HELQ: variants seen among roughly 807,000 people sequenced by gnomAD.
HELQ encodes the protein helicase, POLQ like.
A neutral mutation model predicts 111.6 loss-of-function variants in HELQ; 77 were observed. That is an observed-to-expected ratio of 0.69 (90% CI 0.57 to 0.83). The LOEUF is 0.83. Ranked by LOEUF, HELQ falls within the 40% of genes least tolerant of loss-of-function variation. The probability of loss-of-function intolerance (pLI) is 0.00; values close to 1 mark genes in which losing one functional copy is unlikely to be tolerated. For synonymous variants in HELQ, 438 were observed against 454.7 expected, an observed-to-expected ratio of 0.96 and a Z score of 0.47; for missense variants, 1,200 against 1,288.5, an observed-to-expected ratio of 0.93 and a Z score of 1.05.
At chr4:83,454,590 A>ATT (rs1165924514) in intron 1 of HELQ, among the ~76,000 whole-genome samples, 11 of 144,668 alleles carry the variant, frequency 7.6e-5, no homozygotes, top group Admixed American at 1.4e-4. Context: ...AGAAAAAAAA[A>ATT]TTTTTTTTTT....
At position 83,407,378 on chromosome 4, in the gene HELQ, A is replaced by G. The variant is rs1399061793; in HGVS notation, c.*75T>C. On this transcript the variant is annotated 3_prime_UTR_variant, in exon 18 of 18. Coordinates refer to ENST00000295488, the MANE Select transcript of HELQ (RefSeq NM_133636.5). The stretch of plus-strand genomic sequence containing the variant: ...ATAACTGAAATGTATTTTTTCATTT[A>G]TAAAGTATAAGTTATCTTTAATAAC... The G allele has an allele frequency of 7.7e-6, 7 of 910,142 alleles. No homozygotes were observed. Among genetic ancestry groups the G allele is most frequent in the Non-Finnish European group, 1.2e-5 (7 of 603,866 alleles). The allele number at this position is 910,142 out of a possible 1,614,324, so 56.4% of individuals were successfully genotyped here.
Position 83,441,411 on chromosome 4 carries a change from TA to T in HELQ, c.1564-9del. 7.7e-7 allele frequency: 1 copy of T among 1,298,486 alleles called. No individual in the cohort carries two copies. The highest frequency in any genetic ancestry group is 1.1e-6 in the Non-Finnish European group (1 of 904,654). The allele number at this position is 1,298,486 out of a possible 1,614,324, so 80.4% of individuals were successfully genotyped here. On this transcript the variant is annotated splice_polypyrimidine_tract_variant and intron_variant, in intron 6 of 17. Transcript: ENST00000295488. ...ATATTCTTTTAACTCAACCTTGAATTAAAAGGACATTTGCAATTAATACGAC... is the reference window on the plus strand; with the variant it reads ...ATATTCTTTTAACTCAACCTTGAATTAAAGGACATTTGCAATTAATACGAC...
intron 8 of HELQ, among the ~76,000 whole-genome samples, chr4:83,437,483 A>T (rs1720521994): frequency 6.6e-6 from 1 of 151,784 alleles, no homozygotes; most frequent in Non-Finnish European, 1.5e-5. Context: ...ATGGTGGTGC[A>T]TGCACCTGCA....
intron 10 of HELQ, among the ~76,000 whole-genome samples, 153 bp downstream of exon 10, chr4:83,431,973 A>G (rs1470638266): frequency 6.6e-6 from 1 of 152,138 alleles, no homozygotes; most frequent in African/African-American, 2.4e-5. Context: ...AAATACATAC[A>G]TTTTCAAACC....
At chr4:83,412,033 G>A (rs917781428) in intron 17 of HELQ, among the ~76,000 whole-genome samples, 1 of 152,128 alleles carries the variant, frequency 6.6e-6, no homozygotes, top group Admixed American at 6.6e-5. Context: ...ATTGCTTATG[G>A]AAAAGGGAGA....
chr4:83,449,092 A>G (rs1721212664), intron 2 of HELQ, 131 bp from the exon 3 acceptor site: 1 of 707,866 alleles, frequency 1.4e-6, no homozygotes, highest in Admixed American at 3.0e-5. Context: ...AATTATAACC[A>G]ATGTTACATG....
intron 6 of HELQ, 52 bp from the exon 7 acceptor site, chr4:83,441,455 C>T: frequency 1.2e-6 from 1 of 854,286 alleles, no homozygotes; most frequent in Non-Finnish European, 1.9e-6. Context: ...TTCATCTTTC[C>T]AGTGTTTTAA....
At chr4:83,446,599 C>A (rs1031721878) in intron 4 of HELQ, among the ~76,000 whole-genome samples, 2 of 152,160 alleles carry the variant, frequency 1.3e-5, no homozygotes, top group Non-Finnish European at 2.9e-5. Flanking sequence ...AGCCACCACG[C>A]CCAGCCAATA....
At chr4:83,438,261 A>C (rs1299523143) in intron 8 of HELQ, among the ~76,000 whole-genome samples, 1 of 152,258 alleles carries the variant, frequency 6.6e-6, no homozygotes, top group Non-Finnish European at 1.5e-5. Flanking sequence ...AGAAAATGAT[A>C]AAACCACACA....
rs368671590 is a variant in HELQ, at chr4:83,435,385, T to C, written c.2048+1473A>G. On this transcript the variant is annotated intron_variant, in intron 9 of 17. Transcript: ENST00000295488. Reference sequence around the variant, plus strand: ...CATGCAGAGACAAAAATGAGCAACATTGGCCTCTAGAAAATATGGAACAAT... The same window carrying C: ...CATGCAGAGACAAAAATGAGCAACACTGGCCTCTAGAAAATATGGAACAAT... Among the ~76,000 whole-genome samples the C allele has an allele frequency of 2.0e-4, 31 of 152,206 alleles. 1 individual carries two copies. The highest frequency in any genetic ancestry group is 1.0e-3 in the Admixed American group (16 of 15,292).
chr4:83,424,259 C>T (rs946376503), intron 14 of HELQ, among the ~76,000 whole-genome samples: 3 of 151,836 alleles, frequency 2.0e-5, no homozygotes, highest in Admixed American at 6.6e-5. Context: ...TAATTAGTTC[C>T]AAATTAATGA....
chr4:83,441,436 A>T, intron 6 of HELQ, 33 bp from the exon 7 acceptor site: 3 of 961,774 alleles, frequency 3.1e-6, no homozygotes, highest in Non-Finnish European at 4.9e-6. Flanking sequence ...AATTAATACG[A>T]CATATAAATT....
chr4:83,455,316 G>A (rs546960574), intron 1 of HELQ, 81 bp downstream of exon 1: 3 of 1,552,990 alleles, frequency 1.9e-6, no homozygotes, highest in Admixed American at 1.9e-5. Flanking sequence ...AGAAGTAAAC[G>A]AAGGCGATAA....
intron 17 of HELQ, among the ~76,000 whole-genome samples, chr4:83,409,860 CTAAA>C (rs796204870): frequency 1.1e-4 from 16 of 152,058 alleles, no homozygotes; most frequent in African/African-American, 3.9e-4. Context: ...ATAACTATAA[CTAAA>C]TAACTGGGTG....
At chr4:83,427,240 T>C (rs1719894899) in intron 13 of HELQ, among the ~76,000 whole-genome samples, 1 of 152,144 alleles carries the variant, frequency 6.6e-6, no homozygotes, top group South Asian at 2.1e-4. Flanking sequence ...AAAAGTAACA[T>C]TAAAGTTAAA....
intron 9 of HELQ, among the ~76,000 whole-genome samples, chr4:83,433,405 C>T (rs1292325541): frequency 1.3e-5 from 2 of 152,004 alleles, no homozygotes; most frequent in Non-Finnish European, 2.9e-5. Flanking sequence ...TGGTGGCTCA[C>T]GCCTGTAATC....
Position 83,432,204 on chromosome 4 carries a change from C to T in HELQ, c.2112G>A (p.Met704Ile). ...EFLKRNQYKQ[M>I]IGRAGRAGID... The stretch of plus-strand genomic sequence containing the variant: ...TTCCAGCACGACCAGCTCTGCCAAT[C>T]ATCTGTTTATATTGATTCCTCTTTA... The change falls in exon 10 of 18, where the codon ATG (methionine) becomes ATA (isoleucine). Residue 704 changes from methionine to isoleucine, a missense_variant. Met to Ile is a conservative substitution (Grantham distance 10). This residue lies in a region of HELQ where 585 missense variants were observed against 665.3 expected (regional missense o/e 0.88). Transcript: ENST00000295488. The T allele has an allele frequency of 3.7e-6, 6 of 1,602,224 alleles. No individual in the cohort carries two copies. Among genetic ancestry groups the T allele is most frequent in the Non-Finnish European group, 5.1e-6 (6 of 1,173,530 alleles).
At chr4:83,418,989 G>T (rs1399936512) in intron 15 of HELQ, among the ~76,000 whole-genome samples, 3 of 152,002 alleles carry the variant, frequency 2.0e-5, no homozygotes, top group Non-Finnish European at 4.4e-5. Context: ...GTAGTTAAAA[G>T]CATCTTAACT....
intron 5 of HELQ, among the ~76,000 whole-genome samples, chr4:83,444,071 C>T (rs573771283): frequency 6.6e-6 from 1 of 152,146 alleles, no homozygotes; most frequent in South Asian, 2.1e-4. Context: ...AAATATATTA[C>T]CAGAGTATTA....
Sources: gnomAD v4.1 joint callset for allele counts (sites outside exome capture counted in the v4.1 genomes callset) on GRCh38, gnomAD v4.1.1 for gene constraint, gnomAD v4.1.1 regional missense constraint, MANE v1.5 for transcripts, NCBI Gene and HGNC (gene_info 2026-07-23, HGNC 2026-07-21) for gene names.